Variants in TLCD5 observed in about 807,000 individuals in gnomAD.
TLCD5 encodes the protein TLC domain containing 5.
TLCD5 carries 15 observed loss-of-function variants against 20.5 expected under a neutral mutation model. The observed-to-expected ratio is 0.73, with a 90% CI of 0.49 to 1.13. TLCD5 has a LOEUF of 1.13. Among genes scored for constraint, TLCD5 ranks in the 50% most tolerant of loss-of-function variants. The pLI is 0.00. For missense variants in TLCD5, 289 were observed against 305.6 expected, an observed-to-expected ratio of 0.95 and a Z score of 0.41; for synonymous variants, 107 against 114.7, an observed-to-expected ratio of 0.93 and a Z score of 0.43.
chr11:120,331,401 A>C lies in TLCD5; in HGVS notation c.*886A>C, dbSNP rs920666694. 6.6e-6 allele frequency: 1 copy of C among 152,212 alleles called. No individual in the cohort carries two copies. The highest frequency in any genetic ancestry group is 6.5e-5 in the Admixed American group (1 of 15,288). The allele number at this position is 152,212 out of a possible 1,614,324, so 9.4% of individuals were successfully genotyped here. A position where few individuals can be genotyped will look rare whatever the true frequency, so the allele number is the denominator to read the frequency against. On this transcript the variant is annotated 3_prime_UTR_variant, in exon 3 of 3. Transcript: ENST00000375095. This position sits in a 1 kb window ranked among gnomAD's most constrained non-coding sequence, Gnocchi z 4.5. ...AGGTCACTACAGACTCAGTGCCCAA[A>C]GTTTTTACTGAGGACAGGTCATCTA...
Position 120,330,080 on chromosome 11 carries a change from G to C in TLCD5, c.303G>C (p.Leu101Phe). 1.2e-6 allele frequency: 2 copies of C among 1,614,182 alleles called. No homozygotes were observed. Among genetic ancestry groups the C allele is most frequent in the Admixed American group, 1.7e-5 (1 of 60,032 alleles). ...WCVYFQSEGALMLAHHTLSIL... is the reference protein window; with the variant it reads ...WCVYFQSEGAFMLAHHTLSIL... The stretch of plus-strand genomic sequence containing the variant: ...TCTACTTTCAGTCTGAGGGTGCCTT[G>C]ATGCTGGCTCATCACACATTGAGTA... The change falls in exon 3 of 3, where the codon TTG (leucine) becomes TTC (phenylalanine). Residue 101 changes from leucine to phenylalanine, a missense_variant. Physicochemically the swap from Leu to Phe is conservative, Grantham distance 22. Coordinates refer to ENST00000375095, the MANE Select transcript of TLCD5 (RefSeq NM_001198671.2).
At chr11:120,326,325 G>A (rs533449835) in intron 1 of TLCD5, among the ~76,000 whole-genome samples, 1 of 152,102 alleles carries the variant, frequency 6.6e-6, no homozygotes, top group African/African-American at 2.4e-5. Context: ...GGACACCTAC[G>A]GTTTTCTTGA....
chr11:120,327,610 A>G lies in TLCD5; in HGVS notation c.169A>G (p.Ile57Val). The G allele has an allele frequency of 6.2e-7, 1 of 1,614,168 alleles. No homozygotes were observed. The highest frequency in any genetic ancestry group is 8.5e-7 in the Non-Finnish European group (1 of 1,180,032). ...AGGCCTCTCCGCTTATATTGGCTTC[A>G]TTGATGGCCCATGGCCTTTTACCCA... Reference protein sequence around the residue: ...SIGLSAYIGFIDGPWPFTHPG... With the variant: ...SIGLSAYIGFVDGPWPFTHPG... Residue 57 changes from isoleucine (I) to valine (V), a missense_variant, in exon 2 of 3, where the codon ATT (isoleucine) becomes GTT (valine). Coordinates refer to ENST00000375095, the MANE Select transcript of TLCD5 (RefSeq NM_001198671.2).
Position 120,330,511 on chromosome 11 carries a change from A to G in TLCD5, c.734A>G (p.His245Arg). The G allele has an allele frequency of 6.2e-7, 1 of 1,609,428 alleles. No individual in the cohort carries two copies. Among genetic ancestry groups the G allele is most frequent in the Non-Finnish European group, 8.5e-7 (1 of 1,177,798 alleles). The change falls in exon 3 of 3, where the codon CAC (histidine) becomes CGC (arginine). Residue 245 changes from histidine (H) to arginine (R), a missense_variant. Coordinates refer to ENST00000375095, the MANE Select transcript of TLCD5 (RefSeq NM_001198671.2). ...QLKHNGHLKI[H>R] ...AAACACAACGGACATCTCAAAATAC[A>G]CTAGCCAAGGCTTGCTCCAGATTAT...
intron 1 of TLCD5, among the ~76,000 whole-genome samples, chr11:120,325,621 C>A (rs1014671619): frequency 6.6e-6 from 1 of 152,176 alleles, no homozygotes; most frequent in Admixed American, 6.5e-5. Context: ...ATGCGATCGC[C>A]GTCCCTGCGA....
rs775114201 is a variant in TLCD5 at position 120,330,337 on chromosome 11, C to T, written c.560C>T (p.Pro187Leu). The part of the protein sequence containing the change: ...ACLLFCEMVS[P>L]TPKWFVKAGG... ...CTCCTTTTCTGTGAAATGGTCTCCC[C>T]CACGCCTAAGTGGTTTGTGAAGGCT... Residue 187 changes from proline to leucine, a missense_variant, in exon 3 of 3, where the codon CCC becomes CTC. Coordinates refer to ENST00000375095, the MANE Select transcript of TLCD5 (RefSeq NM_001198671.2). 1.6e-5 allele frequency: 25 copies of T among 1,606,504 alleles called. No individual in the cohort carries two copies. In the Admixed American group the frequency reaches 4.1e-4, roughly 26 times the overall value.
rs781748403 is a variant in TLCD5, at chr11:120,330,864, TG to T, written c.*350del. On this transcript the variant is annotated 3_prime_UTR_variant, in exon 3 of 3. Transcript: ENST00000375095. ...TAGAAAGGAACTCGAAAAAGATTAG[TG>T]CTATTTCTTGTTCCTTTGAGAAGTA... 1.5e-4 allele frequency: 27 copies of T among 186,086 alleles called. No individual in the cohort carries two copies. Among genetic ancestry groups the T allele is most frequent in the Non-Finnish European group, 2.7e-4 (24 of 90,494 alleles). 11.5% of individuals were successfully genotyped at this position (186,086 alleles called of 1,614,324 possible). A position where few individuals can be genotyped will look rare whatever the true frequency, so the allele number is the denominator to read the frequency against.
rs1243054185 is a variant in TLCD5 at position 120,327,532 on chromosome 11, A to G, written c.91A>G (p.Ser31Gly). Residue 31 changes from serine to glycine, a missense_variant, in exon 2 of 3, where the codon AGC becomes GGC. Physicochemically the swap from Ser to Gly is moderately conservative, Grantham distance 56 (BLOSUM62 0). Coordinates refer to ENST00000375095, the MANE Select transcript of TLCD5 (RefSeq NM_001198671.2). The stretch of plus-strand genomic sequence containing the variant: ...TTTCTGCCACCTGAATAAGCACCGA[A>G]GCTATGAGTGGAGCTGCCGCCTGGT... Reference protein sequence around the residue: ...ISFCHLNKHRSYEWSCRLVTF... With the variant: ...ISFCHLNKHRGYEWSCRLVTF... 1 of 1,614,144 alleles carries G rather than the reference A, an allele frequency of 6.2e-7. No individual in the cohort carries two copies. The highest frequency in any genetic ancestry group is 1.1e-5 in the South Asian group (1 of 91,080).
At position 120,330,392 on chromosome 11, in the gene TLCD5, G is replaced by A; in HGVS notation, c.615G>A (p.Trp205Ter). ...AGGVAMYAVS[W>*]CFMFSIWRFA... The stretch of plus-strand genomic sequence containing the variant: ...GAGTAGCGATGTATGCTGTGTCTTG[G>A]TGTTTCATGTTTAGCATCTGGCGCT... The change falls in exon 3 of 3, where the codon TGG becomes TGA. Residue 205 changes from tryptophan (W) to a stop codon, truncating the protein, a stop_gained. Transcript: ENST00000375095. LOFTEE classifies it high-confidence loss of function. 4 of 1,614,148 alleles carry A rather than the reference G, an allele frequency of 2.5e-6. No homozygotes were observed. Among genetic ancestry groups the A allele is most frequent in the Non-Finnish European group, 3.4e-6 (4 of 1,180,014 alleles).
chr11:120,329,818 ATT>A (rs1387352870), intron 2 of TLCD5, among the ~76,000 whole-genome samples, 157 bp from the exon 3 acceptor site: 1 of 152,142 alleles, frequency 6.6e-6, no homozygotes, highest in African/African-American at 2.4e-5. Flanking sequence ...TAGATTTTAT[ATT>A]TTAGTCTTTC....
intron 1 of TLCD5, among the ~76,000 whole-genome samples, chr11:120,325,574 G>A (rs541030417): frequency 2.0e-5 from 3 of 152,208 alleles, no homozygotes. Context: ...CTCTTGGTCC[G>A]GGCGTGGCCG....
Position 120,330,480 on chromosome 11 carries a change from C to T in TLCD5, c.703C>T (p.Gln235Ter). ...GAGAAGCAGGCGGAGTGAGGAACGG[C>T]AGCTGAAACACAACGGACATCTCAA... is the stretch of plus-strand genomic sequence containing the variant. ...AWRSRRSEERQLKHNGHLKIH is the reference protein window; with the variant it reads ...AWRSRRSEER The change falls in exon 3 of 3, where the codon CAG (glutamine) becomes TAG (stop). Residue 235 changes from glutamine to a stop codon, truncating the protein, a stop_gained. Coordinates refer to ENST00000375095, the MANE Select transcript of TLCD5 (RefSeq NM_001198671.2). LOFTEE classifies it high-confidence loss of function. The T allele has an allele frequency of 6.2e-7, 1 of 1,613,726 alleles. No individual in the cohort carries two copies. Among genetic ancestry groups the T allele is most frequent in the Non-Finnish European group, 8.5e-7 (1 of 1,179,894 alleles).
At position 120,332,830 on chromosome 11, in the gene TLCD5, C is replaced by T. The variant is rs1226038297; in HGVS notation, c.*2315C>T. ...ACAGGTGTGAGCCACCGTGCCCAGC[C>T]ATGAGCGGTCTTGAAAATGAAAAAT... is the stretch of plus-strand genomic sequence containing the variant. On this transcript the variant is annotated 3_prime_UTR_variant, in exon 3 of 3. Coordinates refer to ENST00000375095, the MANE Select transcript of TLCD5 (RefSeq NM_001198671.2). This position sits in a 1 kb window ranked among gnomAD's most constrained non-coding sequence, Gnocchi z 4.2. 1 of 152,290 alleles carries T rather than the reference C, an allele frequency of 6.6e-6. No individual in the cohort carries two copies. The highest frequency in any genetic ancestry group is 1.5e-5 in the Non-Finnish European group (1 of 68,196). The allele number at this position is 152,290 out of a possible 1,614,324, so 9.4% of individuals were successfully genotyped here. A position where few individuals can be genotyped will look rare whatever the true frequency, so the allele number is the denominator to read the frequency against.
intron 1 of TLCD5, 96 bp from the exon 2 acceptor site, chr11:120,327,345 T>G: frequency 1.3e-6 from 2 of 1,595,302 alleles, no homozygotes; most frequent in Non-Finnish European, 1.7e-6. Flanking sequence ...TTTGAACTAT[T>G]CTATAATAGA....
intron 1 of TLCD5, 70 bp from the exon 2 acceptor site, chr11:120,327,371 A>G: frequency 6.2e-7 from 1 of 1,612,212 alleles, no homozygotes; most frequent in Non-Finnish European, 8.5e-7. Context: ...GGATATATAC[A>G]CAAAATGACC....
chr11:120,330,641 A>C lies in TLCD5; in HGVS notation c.*126A>C. ...CAATAAAGGGCTAAATGTATTGATC[A>C]ATTTGGTCAGTCTTCAAGCCGAGCA... is the stretch of plus-strand genomic sequence containing the variant. On this transcript the variant is annotated 3_prime_UTR_variant, in exon 3 of 3. Coordinates refer to ENST00000375095, the MANE Select transcript of TLCD5 (RefSeq NM_001198671.2). 8.7e-7 allele frequency: 1 copy of C among 1,149,326 alleles called. No individual in the cohort carries two copies. The highest frequency in any genetic ancestry group is 1.2e-6 in the Non-Finnish European group (1 of 836,894). The allele number at this position is 1,149,326 out of a possible 1,614,324, so 71.2% of individuals were successfully genotyped here. A position where few individuals can be genotyped will look rare whatever the true frequency, so the allele number is the denominator to read the frequency against.
At chr11:120,327,346 C>A in intron 1 of TLCD5, 95 bp from the exon 2 acceptor site, 1 of 1,595,616 alleles carries the variant, frequency 6.3e-7, no homozygotes. Flanking sequence ...TTGAACTATT[C>A]TATAATAGAA....
Position 120,333,630 on chromosome 11 carries a change from A to G in TLCD5, c.*3115A>G, listed in dbSNP as rs1942202412. 1 of 152,300 alleles carries G rather than the reference A, an allele frequency of 6.6e-6. No homozygotes were observed. Among genetic ancestry groups the G allele is most frequent in the South Asian group, 2.1e-4 (1 of 4,828 alleles). 9.4% of individuals were successfully genotyped at this position (152,300 alleles called of 1,614,324 possible). A position where few individuals can be genotyped will look rare whatever the true frequency, so the allele number is the denominator to read the frequency against. ...CGAACACTGTTCAAGAACGATTTAT[A>G]TTTCCATAAGATTTGTACTAAATTT... On this transcript the variant is annotated 3_prime_UTR_variant, in exon 3 of 3. Coordinates refer to ENST00000375095, the MANE Select transcript of TLCD5 (RefSeq NM_001198671.2). The surrounding 1 kb of genome is among the most constrained non-coding windows in gnomAD (Gnocchi z 4.5).
Position 120,327,489 on chromosome 11 carries a change from G to T in TLCD5, c.48G>T (p.Trp16Cys). Residue 16 changes from tryptophan (W) to cysteine (C), a missense_variant, in exon 2 of 3, where the codon TGG becomes TGT. Transcript: ENST00000375095. The stretch of plus-strand genomic sequence containing the variant: ...AGGTGCTGTGCAGCCTGTGTGGCTG[G>T]CTCTCGCTCTATATTTCTTTCTGCC... ...CLQVLCSLCG[W>C]LSLYISFCHL... 1 of 1,614,132 alleles carries T rather than the reference G, an allele frequency of 6.2e-7. No homozygotes were observed. The highest frequency in any genetic ancestry group is 8.5e-7 in the Non-Finnish European group (1 of 1,180,022).
Sources: gnomAD v4.1 joint callset for allele counts (sites outside exome capture counted in the v4.1 genomes callset) on GRCh38, gnomAD v4.1.1 for gene constraint, Gnocchi (gnomAD v3.1) non-coding constraint, MANE v1.5 for transcripts, NCBI Gene and HGNC (gene_info 2026-07-23, HGNC 2026-07-21) for gene names.